The following GALNT10 variants were observed in gnomAD, a reference collection of about 807,000 sequenced individuals.
GALNT10 encodes polypeptide N-acetylgalactosaminyltransferase 10.
GALNT10 carries 41 observed loss-of-function variants against 75.0 expected under a neutral mutation model. That is an observed-to-expected ratio of 0.55 (90% confidence interval 0.43 to 0.71). The LOEUF is 0.71. Among genes scored for constraint, GALNT10 ranks in the 30% least tolerant of loss-of-function variants. The probability of loss-of-function intolerance (pLI) is 0.00; values close to 1 mark genes in which losing one functional copy is unlikely to be tolerated. For synonymous variants in GALNT10, 302 were observed against 313.0 expected (o/e 0.96, Z 0.37); for missense variants, 727 against 818.5 (o/e 0.89, Z 1.36).
At position 154,230,152 on chromosome 5, in the gene GALNT10, G is replaced by T. The variant is rs76256109; in HGVS notation, c.159+39127G>T. Among the ~76,000 whole-genome samples the T allele has an allele frequency of 5.0e-3, 761 of 152,254 alleles. 12 individuals are homozygous for T. Among genetic ancestry groups the T allele is most frequent in the African/African-American group, 0.016 (682 of 41,534 alleles). ...ACCTCACTGTTGATCAGCTATCCAG[G>T]TTTTAAATACTATAATCCTGTGTAC... On this transcript the variant is annotated intron_variant, in intron 1 of 11. Coordinates refer to ENST00000297107, the MANE Select transcript of GALNT10 (RefSeq NM_198321.4).
At chr5:154,408,406 G>A (rs866572620) in intron 8 of GALNT10, among the ~76,000 whole-genome samples, 1 of 152,152 alleles carries the variant, frequency 6.6e-6, no homozygotes, top group Non-Finnish European at 1.5e-5. Context: ...GGGGTGGGGG[G>A]ACAACAGCCA....
rs543912987 is a variant in GALNT10 at position 154,305,868 on chromosome 5, A to G, written c.401+7789A>G. Among the ~76,000 whole-genome samples, 5 of 152,232 alleles carry G rather than the reference A, an allele frequency of 3.3e-5. No homozygotes were observed. In the East Asian group the frequency reaches 9.7e-4, roughly 29 times the overall value. On this transcript the variant is annotated intron_variant, in intron 3 of 11. Coordinates refer to ENST00000297107, the MANE Select transcript of GALNT10 (RefSeq NM_198321.4). Reference sequence around the variant, plus strand: ...CCCTGTCTCTACTAAAAATACAAAAATTAGCCAGGCATGGTGGCACGTGCC... The same window carrying G: ...CCCTGTCTCTACTAAAAATACAAAAGTTAGCCAGGCATGGTGGCACGTGCC...
At chr5:154,405,876 G>GTT (rs201645212) in intron 8 of GALNT10, among the ~76,000 whole-genome samples, 78 of 146,718 alleles carry the variant, frequency 5.3e-4, no homozygotes, top group Middle Eastern at 3.5e-3. Context: ...TGTTGCTGTT[G>GTT]TTTTTTTTTT....
At chr5:154,268,490 C>T (rs674241) in intron 1 of GALNT10, among the ~76,000 whole-genome samples, 9,769 of 152,070 alleles carry the variant, frequency 0.064, 845 homozygotes, top group African/African-American at 0.2. Flanking sequence ...TGACAACATT[C>T]AAGGGGAAGA....
intron 3 of GALNT10, among the ~76,000 whole-genome samples, chr5:154,323,898 G>A (rs1337990765): frequency 6.6e-6 from 1 of 152,192 alleles, no homozygotes; most frequent in Non-Finnish European, 1.5e-5. Context: ...GCAGCACTGG[G>A]AATTCCACCT....
intron 4 of GALNT10, among the ~76,000 whole-genome samples, chr5:154,342,140 C>A (rs971930764): frequency 2.0e-5 from 3 of 152,116 alleles, no homozygotes; most frequent in Admixed American, 6.5e-5. Flanking sequence ...ATTACTGTTA[C>A]CTGAAATGCT....
chr5:154,199,966 G>A (rs887388994), intron 1 of GALNT10, among the ~76,000 whole-genome samples: 1 of 152,208 alleles, frequency 6.6e-6, no homozygotes, highest in African/African-American at 2.4e-5. Flanking sequence ...GTACAGAGAG[G>A]TCAGGTAACA....
intron 4 of GALNT10, among the ~76,000 whole-genome samples, chr5:154,370,613 A>G (rs1473748029): frequency 6.6e-6 from 1 of 152,148 alleles, no homozygotes; most frequent in African/African-American, 2.4e-5. Context: ...ACCAGAAATA[A>G]GATAGTAAGG....
chr5:154,271,929 C>G (rs919665989), intron 1 of GALNT10, among the ~76,000 whole-genome samples: 2 of 152,228 alleles, frequency 1.3e-5, no homozygotes, highest in Admixed American at 1.3e-4. Context: ...TGAAATGAGG[C>G]CCTTCACGTA....
At chr5:154,247,464 G>C (rs1753446760) in intron 1 of GALNT10, among the ~76,000 whole-genome samples, 2 of 152,134 alleles carry the variant, frequency 1.3e-5, no homozygotes, top group South Asian at 4.1e-4. Flanking sequence ...TCTTCTATTT[G>C]TTTGTATCCT....
At chr5:154,294,121 C>T (rs116641656) in intron 1 of GALNT10, among the ~76,000 whole-genome samples, 2,669 of 152,300 alleles carry the variant, frequency 0.018, 79 homozygotes, top group African/African-American at 0.061. Context: ...GGGAGTACAG[C>T]TTGAGCCCAG....
chr5:154,341,999 T>TA lies in GALNT10; in HGVS notation c.568+12262dup, dbSNP rs546897871. On this transcript the variant is annotated intron_variant, in intron 4 of 11. Coordinates refer to ENST00000297107, the MANE Select transcript of GALNT10 (RefSeq NM_198321.4). ...TCAGGACTAACCCCAAAGCCATAAGTACTGTCTTCCCTTTTGCGGGTTGGG... is the reference window on the plus strand; with the variant it reads ...TCAGGACTAACCCCAAAGCCATAAGTAACTGTCTTCCCTTTTGCGGGTTGGG... Among the ~76,000 whole-genome samples, 5 of 152,292 alleles carry TA rather than the reference T, an allele frequency of 3.3e-5. No homozygotes were observed. In the South Asian group the frequency reaches 1.0e-3, roughly 32 times the overall value.
rs1160265419 is a variant in GALNT10, at chr5:154,419,669, G to GA, written c.*2699dup. On this transcript the variant is annotated 3_prime_UTR_variant, in exon 12 of 12. Coordinates refer to ENST00000297107, the MANE Select transcript of GALNT10 (RefSeq NM_198321.4). ...GGACTTGACAAAGTATGTGGGAGGG[G>GA]AAGGAAGGACAGAACTTGACTGGCT... 6.6e-6 allele frequency: 1 copy of GA among 152,296 alleles called. No homozygotes were observed. The highest frequency in any genetic ancestry group is 2.4e-5 in the African/African-American group (1 of 41,460). 9.4% of individuals were successfully genotyped at this position (152,296 alleles called of 1,614,324 possible). A position where few individuals can be genotyped will look rare whatever the true frequency, so the allele number is the denominator to read the frequency against.
At chr5:154,303,466 G>A (rs1222501390) in intron 3 of GALNT10, among the ~76,000 whole-genome samples, 2 of 152,210 alleles carry the variant, frequency 1.3e-5, no homozygotes, top group Non-Finnish European at 2.9e-5. Flanking sequence ...CACCTGCCGT[G>A]AGGAAGCTAT....
At chr5:154,302,961 A>G (rs1318563470) in intron 3 of GALNT10, among the ~76,000 whole-genome samples, 4 of 152,196 alleles carry the variant, frequency 2.6e-5, no homozygotes, top group African/African-American at 4.8e-5. Context: ...AAAAATGACA[A>G]CTTGCCAACA....
chr5:154,320,373 G>T (rs1754654725), intron 3 of GALNT10, among the ~76,000 whole-genome samples: 2 of 152,132 alleles, frequency 1.3e-5, no homozygotes, highest in African/African-American at 4.8e-5. Context: ...GCAGGCTGTG[G>T]GGCCCGGCTC....
chr5:154,336,488 T>G (rs1285667944), intron 4 of GALNT10, among the ~76,000 whole-genome samples: 1 of 152,248 alleles, frequency 6.6e-6, no homozygotes, highest in Non-Finnish European at 1.5e-5. Flanking sequence ...CACCTCCTCG[T>G]CAGCATTTGA....
At chr5:154,270,742 C>T (rs949251136) in intron 1 of GALNT10, among the ~76,000 whole-genome samples, 2 of 152,106 alleles carry the variant, frequency 1.3e-5, no homozygotes, top group African/African-American at 4.8e-5. Flanking sequence ...TGTCTGTAAT[C>T]CCAAAACTTT....
At chr5:154,336,195 A>G (rs898120205) in intron 4 of GALNT10, among the ~76,000 whole-genome samples, 4 of 152,154 alleles carry the variant, frequency 2.6e-5, no homozygotes, top group African/African-American at 9.7e-5. Flanking sequence ...ATAACATTCC[A>G]TTGTCTGGGT....
Sources: gnomAD v4.1 joint callset for allele counts (sites outside exome capture counted in the v4.1 genomes callset) on GRCh38, gnomAD v4.1.1 for gene constraint, MANE v1.5 for transcripts, NCBI Gene and HGNC (gene_info 2026-07-23, HGNC 2026-07-21) for gene names.